Variants in SOHLH2 observed in about 807,000 individuals in gnomAD.
SOHLH2 encodes spermatogenesis- and oogenesis-specific basic helix-loop-helix-containing protein 2.
SOHLH2 carries 22 observed loss-of-function variants against 50.4 expected under a neutral mutation model. The observed-to-expected ratio is 0.44, with a 90% CI of 0.31 to 0.62. The LOEUF is 0.62. Ranked by LOEUF, SOHLH2 falls within the 20% of genes least tolerant of loss-of-function variation. SOHLH2 has a pLI of 0.08. For missense variants in SOHLH2, 412 were observed against 504.4 expected, an observed-to-expected ratio of 0.82 and a Z score of 1.76; for synonymous variants, 185 against 187.3, an observed-to-expected ratio of 0.99 and a Z score of 0.10.
At chr13:36,199,680 C>A (rs1887840899) in intron 2 of SOHLH2, among the ~76,000 whole-genome samples, 1 of 152,306 alleles carries the variant, frequency 6.6e-6, no homozygotes, top group South Asian at 2.1e-4. Context: ...TTACTCAGGG[C>A]AATAAAAGCT....
chr13:36,210,681 C>T (rs1380514186), intron 1 of SOHLH2, among the ~76,000 whole-genome samples: 1 of 152,162 alleles, frequency 6.6e-6, no homozygotes, highest in Non-Finnish European at 1.5e-5. Context: ...TCTCCTTCAC[C>T]TGCAGTACCC....
intron 6 of SOHLH2, among the ~76,000 whole-genome samples, chr13:36,185,103 A>C (rs1462251803): frequency 6.6e-6 from 1 of 152,168 alleles, no homozygotes; most frequent in Non-Finnish European, 1.5e-5. Context: ...ACATGAACTC[A>C]TTCTTTGTTA....
intron 1 of SOHLH2, among the ~76,000 whole-genome samples, chr13:36,209,730 C>A (rs1868997046): frequency 2.6e-5 from 4 of 152,220 alleles, no homozygotes; most frequent in African/African-American, 9.7e-5. Flanking sequence ...TCTGTCTCTT[C>A]AATCGTTCAG....
chr13:36,175,255 A>G (rs1361721391), intron 6 of SOHLH2, among the ~76,000 whole-genome samples: 1 of 152,234 alleles, frequency 6.6e-6, no homozygotes, highest in Non-Finnish European at 1.5e-5. Flanking sequence ...AGAATTGTAC[A>G]TGATATAAAA....
intron 1 of SOHLH2, among the ~76,000 whole-genome samples, chr13:36,208,559 C>A (rs1593962813): frequency 6.6e-6 from 1 of 152,252 alleles, no homozygotes; most frequent in East Asian, 1.9e-4. Context: ...TAACATGCCT[C>A]CCTCCACCCC....
chr13:36,191,082 C>A (rs1887558231), intron 5 of SOHLH2, among the ~76,000 whole-genome samples: 1 of 152,106 alleles, frequency 6.6e-6, no homozygotes, highest in Non-Finnish European at 1.5e-5. Context: ...TGGAAATCAG[C>A]TTAAAGTGAA....
chr13:36,170,869 C>T (rs1886945255), intron 9 of SOHLH2, 82 bp from the exon 10 acceptor site: 6 of 1,536,546 alleles, frequency 3.9e-6, no homozygotes, highest in South Asian at 1.3e-5. Flanking sequence ...ATAAACTGCC[C>T]GCTATTTCAT....
intron 6 of SOHLH2, among the ~76,000 whole-genome samples, chr13:36,179,476 T>A (rs1025704498): frequency 6.6e-6 from 1 of 152,184 alleles, no homozygotes; most frequent in Non-Finnish European, 1.5e-5. Flanking sequence ...TGGCACCATC[T>A]CAGCTCACTG....
intron 2 of SOHLH2, among the ~76,000 whole-genome samples, chr13:36,196,033 C>G (rs1413826277): frequency 6.6e-6 from 1 of 151,414 alleles, no homozygotes; most frequent in East Asian, 1.9e-4. Flanking sequence ...CAGAATGATG[C>G]CTGCCAGGAT....
chr13:36,193,274 T>C (rs1281597882), intron 4 of SOHLH2, among the ~76,000 whole-genome samples: 1 of 152,164 alleles, frequency 6.6e-6, no homozygotes, highest in East Asian at 1.9e-4. Flanking sequence ...CACAATACAA[T>C]TGTAGGTTAG....
intron 2 of SOHLH2, among the ~76,000 whole-genome samples, chr13:36,200,781 T>C (rs578086432): frequency 1.1e-4 from 17 of 152,152 alleles, no homozygotes; most frequent in African/African-American, 4.1e-4. Flanking sequence ...CTAGGCATGG[T>C]GGCTCACCCC....
At chr13:36,210,861 G>A (rs1869078221) in intron 1 of SOHLH2, among the ~76,000 whole-genome samples, 2 of 152,118 alleles carry the variant, frequency 1.3e-5, no homozygotes, top group South Asian at 2.1e-4. Flanking sequence ...AGTAGAGAGC[G>A]TTGGGGCCCT....
intron 2 of SOHLH2, among the ~76,000 whole-genome samples, chr13:36,198,281 T>C (rs1360935024): frequency 6.6e-6 from 1 of 152,218 alleles, no homozygotes; most frequent in Non-Finnish European, 1.5e-5. Flanking sequence ...CAACTCCCCA[T>C]ATACTGACGA....
chr13:36,188,799 C>T (rs1351076900), intron 6 of SOHLH2, among the ~76,000 whole-genome samples: 1 of 152,158 alleles, frequency 6.6e-6, no homozygotes, highest in Non-Finnish European at 1.5e-5. Flanking sequence ...CTCCACTAGT[C>T]CCTTCTCTAC....
intron 1 of SOHLH2, among the ~76,000 whole-genome samples, chr13:36,210,162 T>C (rs1274568488): frequency 1.3e-5 from 2 of 152,178 alleles, no homozygotes; most frequent in Non-Finnish European, 2.9e-5. Context: ...AAAGGCACCA[T>C]TGCTCCTGCT....
chr13:36,206,731 T>G (rs1407267580), intron 1 of SOHLH2, among the ~76,000 whole-genome samples: 1 of 151,928 alleles, frequency 6.6e-6, no homozygotes, highest in East Asian at 1.9e-4. Context: ...GTCTACTTGA[T>G]CTTTCCGTTT....
At chr13:36,208,730 C>T (rs527702967) in intron 1 of SOHLH2, among the ~76,000 whole-genome samples, 39 of 152,152 alleles carry the variant, frequency 2.6e-4, no homozygotes, top group African/African-American at 6.3e-4. Flanking sequence ...ACTGAATTGC[C>T]GTACAGGCTC....
intron 6 of SOHLH2, among the ~76,000 whole-genome samples, chr13:36,183,936 G>A (rs2138283814): frequency 6.6e-6 from 1 of 152,238 alleles, no homozygotes; most frequent in South Asian, 2.1e-4. Context: ...AAAAAGAGTT[G>A]TCACTGAAAA....
intron 4 of SOHLH2, among the ~76,000 whole-genome samples, chr13:36,193,231 A>G (rs1271939126): frequency 6.6e-6 from 1 of 152,244 alleles, no homozygotes; most frequent in Non-Finnish European, 1.5e-5. Flanking sequence ...GAAGTAAAAT[A>G]ATTTCTATGC....
Sources: allele counts gnomAD v4.1 joint callset (sites outside exome capture counted in the v4.1 genomes callset), GRCh38; gene constraint gnomAD v4.1.1; transcripts MANE v1.5; gene names NCBI Gene and HGNC (gene_info 2026-07-23, HGNC 2026-07-21).